The following ELMO1 variants were observed in gnomAD, a reference collection of about 807,000 sequenced individuals.
ELMO1 encodes engulfment and cell motility protein 1.
In ELMO1, 26 loss-of-function variants were observed where a neutral mutation model predicts 98.9. The observed-to-expected ratio is 0.26, with a 90% CI of 0.19 to 0.36. ELMO1 has a LOEUF of 0.36. Among genes scored for constraint, ELMO1 ranks in the 10% least tolerant of loss-of-function variants. The probability of loss-of-function intolerance (pLI) is 1.00; values close to 1 mark genes in which losing one functional copy is unlikely to be tolerated. For synonymous variants in ELMO1, 346 were observed against 346.0 expected, an observed-to-expected ratio of 1.00 and a Z score of 0.00; for missense variants, 627 against 935.2, an observed-to-expected ratio of 0.67 and a Z score of 4.30.
chr7:37,304,541 C>G (rs1483588691), intron 4 of ELMO1, among the ~76,000 whole-genome samples: 2 of 152,140 alleles, frequency 1.3e-5, no homozygotes, highest in African/African-American at 4.8e-5. Context: ...CATGGTGAAA[C>G]TCTGTCTCTA....
intron 4 of ELMO1, among the ~76,000 whole-genome samples, chr7:37,303,776 G>A (rs117228957): frequency 0.011 from 1,602 of 152,272 alleles, 16 homozygotes; most frequent in Middle Eastern, 0.02. Context: ...CTGAACTGGA[G>A]AACATGGAAT....
At chr7:36,987,038 C>A (rs1295526920) in intron 16 of ELMO1, among the ~76,000 whole-genome samples, 1 of 152,154 alleles carries the variant, frequency 6.6e-6, no homozygotes, top group South Asian at 2.1e-4. Flanking sequence ...GAGGGCACTG[C>A]GGTGGTTCCT....
chr7:37,373,258 A>G (rs1047890959), intron 1 of ELMO1, among the ~76,000 whole-genome samples: 3 of 152,258 alleles, frequency 2.0e-5, no homozygotes, highest in Middle Eastern at 3.4e-3. Flanking sequence ...ATCAATTTAC[A>G]CTTCTGTAGT....
chr7:37,074,763 G>A (rs1255105580), intron 15 of ELMO1, among the ~76,000 whole-genome samples: 1 of 152,214 alleles, frequency 6.6e-6, no homozygotes, highest in Non-Finnish European at 1.5e-5. Context: ...AGCAGAGTCA[G>A]AAGTGAGGAG....
chr7:37,376,603 C>A (rs985793848), intron 1 of ELMO1, among the ~76,000 whole-genome samples: 1 of 152,128 alleles, frequency 6.6e-6, no homozygotes, highest in Non-Finnish European at 1.5e-5. Context: ...GAAACTGACT[C>A]AGCGCATGAA....
At chr7:37,275,777 T>G (rs1796799021) in intron 4 of ELMO1, among the ~76,000 whole-genome samples, 1 of 152,206 alleles carries the variant, frequency 6.6e-6, no homozygotes, top group African/African-American at 2.4e-5. Context: ...GTAGAACTAC[T>G]AAAATATGCA....
At chr7:37,078,617 G>A (rs1353859106) in intron 15 of ELMO1, among the ~76,000 whole-genome samples, 1 of 152,116 alleles carries the variant, frequency 6.6e-6, no homozygotes, top group Non-Finnish European at 1.5e-5. Flanking sequence ...TAAATAAAAA[G>A]CTTTAAGATT....
At chr7:37,162,088 TA>T (rs1789262942) in intron 13 of ELMO1, among the ~76,000 whole-genome samples, 1 of 146,854 alleles carries the variant, frequency 6.8e-6, no homozygotes, top group Admixed American at 6.8e-5. Flanking sequence ...ACGGTGGGGG[TA>T]AACTGGAACT....
rs1233582593 is a variant in ELMO1, at chr7:37,126,299, A to AT, written c.1191+6830_1191+6831insA. Among the ~76,000 whole-genome samples, 8 of 89,320 alleles carry AT rather than the reference A, an allele frequency of 9.0e-5. 1 individual carries two copies. Among genetic ancestry groups the AT allele is most frequent in the African/African-American group, 5.4e-4 (8 of 14,698 alleles). The allele number at this position is 89,320 out of a possible 152,430, so 58.6% of individuals were successfully genotyped here. A position where few individuals can be genotyped will look rare whatever the true frequency, so the allele number is the denominator to read the frequency against. On this transcript the variant is annotated intron_variant, in intron 14 of 21. Transcript: ENST00000310758. Reference sequence around the variant, plus strand: ...TACCCTAGAACTTAAAGTATAATTTAAATATATATATATATATATATATAT... The same window carrying AT: ...TACCCTAGAACTTAAAGTATAATTTATAATATATATATATATATATATATAT...
chr7:36,912,302 T>G (rs1039380126), intron 16 of ELMO1, among the ~76,000 whole-genome samples: 7 of 152,034 alleles, frequency 4.6e-5, no homozygotes, highest in Admixed American at 1.3e-4. Context: ...TTAAAAAGGG[T>G]ATGAGAGGCC....
At chr7:37,108,331 G>C (rs1785053445) in intron 14 of ELMO1, among the ~76,000 whole-genome samples, 1 of 152,040 alleles carries the variant, frequency 6.6e-6, no homozygotes, top group Non-Finnish European at 1.5e-5. Context: ...ACCCCTCCCT[G>C]ACACACTGCC....
At chr7:36,945,759 G>A (rs1011794558) in intron 16 of ELMO1, among the ~76,000 whole-genome samples, 1 of 152,090 alleles carries the variant, frequency 6.6e-6, no homozygotes, top group Non-Finnish European at 1.5e-5. Context: ...AGTCCTTGAC[G>A]GTACTATTTT....
At chr7:37,396,875 A>G (rs1803321313) in intron 1 of ELMO1, among the ~76,000 whole-genome samples, 1 of 152,242 alleles carries the variant, frequency 6.6e-6, no homozygotes, top group Non-Finnish European at 1.5e-5. Context: ...TTCTGAAATT[A>G]CTATACATGA....
At chr7:37,051,307 T>C (rs1796099047) in intron 15 of ELMO1, among the ~76,000 whole-genome samples, 1 of 152,226 alleles carries the variant, frequency 6.6e-6, no homozygotes, top group African/African-American at 2.4e-5. Context: ...TTACTCAGGA[T>C]AAAAAGGTTT....
chr7:37,155,376 A>G (rs1220921351), intron 13 of ELMO1, among the ~76,000 whole-genome samples: 1 of 152,072 alleles, frequency 6.6e-6, no homozygotes, highest in Non-Finnish European at 1.5e-5. Flanking sequence ...CAAACTGGAT[A>G]AAGAGTCAAG....
At chr7:37,397,253 TTTTA>T (rs1434584490) in intron 1 of ELMO1, among the ~76,000 whole-genome samples, 3 of 152,354 alleles carry the variant, frequency 2.0e-5, no homozygotes, top group Admixed American at 6.5e-5. Flanking sequence ...ACTTTGTTAA[TTTTA>T]TTTGTCATTT....
intron 1 of ELMO1, among the ~76,000 whole-genome samples, chr7:37,406,117 A>G (rs923840504): frequency 6.6e-6 from 1 of 152,156 alleles, no homozygotes; most frequent in Non-Finnish European, 1.5e-5. Context: ...TCATTCCATC[A>G]TTCATGGGAA....
At chr7:37,126,199 T>C (rs1310289703) in intron 14 of ELMO1, among the ~76,000 whole-genome samples, 3 of 151,234 alleles carry the variant, frequency 2.0e-5, no homozygotes, top group African/African-American at 7.3e-5. Context: ...CTAATGTAAA[T>C]GACTAGTTAA....
intron 16 of ELMO1, among the ~76,000 whole-genome samples, chr7:36,975,683 C>T (rs1268761229): frequency 6.7e-6 from 1 of 149,804 alleles, no homozygotes; most frequent in East Asian, 2.0e-4. Context: ...CGCGTCTCTA[C>T]TAAAAATAGA....
Sources: allele counts gnomAD v4.1 joint callset (sites outside exome capture counted in the v4.1 genomes callset), GRCh38; gene constraint gnomAD v4.1.1; transcripts MANE v1.5; gene names NCBI Gene and HGNC (gene_info 2026-07-23, HGNC 2026-07-21).